Variants in ZBBX observed in about 807,000 individuals in gnomAD.
ZBBX encodes zinc finger B-box domain-containing protein 1.
A neutral mutation model predicts 108.5 loss-of-function variants in ZBBX; 101 were observed. The ratio of observed to expected loss-of-function variants is 0.93; its 90% CI spans 0.79 to 1.10. The LOEUF (loss-of-function observed/expected upper bound fraction) is 1.10. Among genes scored for constraint, ZBBX ranks in the 50% least tolerant of loss-of-function variants. The pLI is 0.00. For synonymous variants in ZBBX, 356 were observed against 323.4 expected (o/e 1.10, Z -1.08); for missense variants, 1,009 against 941.4 (o/e 1.07, Z -0.94).
chr3:167,374,646 T>C (rs1746665738), intron 2 of ZBBX, among the ~76,000 whole-genome samples: 1 of 151,914 alleles, frequency 6.6e-6, no homozygotes, highest in South Asian at 2.1e-4. Context: ...TGGAGAGGAG[T>C]CAAGGCCCAG....
chr3:167,256,941 C>T (rs983051336), intron 20 of ZBBX, among the ~76,000 whole-genome samples: 2 of 152,100 alleles, frequency 1.3e-5, no homozygotes, highest in African/African-American at 4.8e-5. Context: ...CATAAGAATG[C>T]AGATATCTCT....
At chr3:167,364,830 GAA>G (rs1745086132) in intron 6 of ZBBX, among the ~76,000 whole-genome samples, 1 of 151,782 alleles carries the variant, frequency 6.6e-6, no homozygotes, top group Non-Finnish European at 1.5e-5. Flanking sequence ...ACTATCACTT[GAA>G]AATTCAAACA....
intron 20 of ZBBX, among the ~76,000 whole-genome samples, chr3:167,264,364 T>C (rs1167234863): frequency 6.6e-6 from 1 of 152,202 alleles, no homozygotes; most frequent in Non-Finnish European, 1.5e-5. Context: ...TATTTTTTTA[T>C]ATCTTTTGTA....
At chr3:167,279,648 A>G (rs797003691) in intron 20 of ZBBX, among the ~76,000 whole-genome samples, 12 of 152,198 alleles carry the variant, frequency 7.9e-5, no homozygotes, top group Middle Eastern at 3.4e-3. Flanking sequence ...GGAAGAATCA[A>G]TATCATGAAA....
Position 167,359,214 on chromosome 3 carries a change from T to C in ZBBX, c.432+656A>G, listed in dbSNP as rs61288288. On this transcript the variant is annotated intron_variant, in intron 8 of 21. Coordinates refer to ENST00000675490, the MANE Select transcript of ZBBX (RefSeq NM_001199201.2). ...CAAAAGTATATACTATATTATTCCATTTACATAAAGTTCAAGAACAGATAT... is the reference window on the plus strand; with the variant it reads ...CAAAAGTATATACTATATTATTCCACTTACATAAAGTTCAAGAACAGATAT... Among the ~76,000 whole-genome samples the C allele has an allele frequency of 3.1e-3, 468 of 152,208 alleles. 2 individuals are homozygous for C. Among genetic ancestry groups the C allele is most frequent in the Middle Eastern group, 0.01 (3 of 294 alleles).
At chr3:167,180,597 CTG>C in the ZBBX span, among the ~76,000 whole-genome samples, 1 of 152,188 alleles carries the variant, frequency 6.6e-6, no homozygotes, top group Non-Finnish European at 1.5e-5. Context: ...TAACATAACA[CTG>C]TGAAAATTTT....
At chr3:167,396,830 A>T (rs1748248537) in intron 1 of ZBBX, among the ~76,000 whole-genome samples, 1 of 151,914 alleles carries the variant, frequency 6.6e-6, no homozygotes, top group South Asian at 2.1e-4. Flanking sequence ...TTACTTCAGG[A>T]ATATTTTATT....
chr3:167,321,788 A>G (rs1292762480), intron 12 of ZBBX, among the ~76,000 whole-genome samples: 1 of 152,086 alleles, frequency 6.6e-6, no homozygotes, highest in Admixed American at 6.6e-5. Flanking sequence ...TAGTGCTAAT[A>G]TAAAAAACTG....
the ZBBX span, among the ~76,000 whole-genome samples, chr3:167,189,746 C>A: frequency 6.6e-6 from 1 of 152,194 alleles, no homozygotes; most frequent in Non-Finnish European, 1.5e-5. Context: ...ACATCCCACA[C>A]CAGAGTGATA....
chr3:167,340,386 A>G (rs1004777684), intron 9 of ZBBX, among the ~76,000 whole-genome samples: 1 of 152,156 alleles, frequency 6.6e-6, no homozygotes, highest in Admixed American at 6.6e-5. Flanking sequence ...TCCACTTAGT[A>G]AAAATATCTT....
At chr3:167,404,693 T>C (rs1386055021) in intron 1 of ZBBX, among the ~76,000 whole-genome samples, 1 of 152,216 alleles carries the variant, frequency 6.6e-6, no homozygotes, top group Non-Finnish European at 1.5e-5. Flanking sequence ...CCTGGCTTGT[T>C]GGAAAATTGG....
intron 18 of ZBBX, among the ~76,000 whole-genome samples, chr3:167,291,045 T>A (rs891999610): frequency 6.6e-6 from 1 of 151,818 alleles, no homozygotes; most frequent in African/African-American, 2.4e-5. Flanking sequence ...CTCCAAGAAA[T>A]ATGGGACTGT....
the ZBBX span, among the ~76,000 whole-genome samples, chr3:167,183,318 T>C: frequency 1.3e-5 from 2 of 152,218 alleles, no homozygotes; most frequent in Non-Finnish European, 2.9e-5. Context: ...ACCACAGGGA[T>C]TGCTTAAGAG....
chr3:167,285,824 T>C (rs1729593365), intron 19 of ZBBX, among the ~76,000 whole-genome samples: 1 of 152,248 alleles, frequency 6.6e-6, no homozygotes, highest in Admixed American at 6.5e-5. Context: ...ACAGTTCTAC[T>C]AGCCTACTCT....
the ZBBX span, among the ~76,000 whole-genome samples, chr3:167,193,986 G>A: frequency 2.4e-3 from 362 of 152,144 alleles, 2 homozygotes; most frequent in African/African-American, 8.6e-3. Context: ...GTTGGGGGAA[G>A]TTGAAGAGAG....
At chr3:167,250,700 C>G (rs1722435985) in intron 20 of ZBBX, among the ~76,000 whole-genome samples, 1 of 152,024 alleles carries the variant, frequency 6.6e-6, no homozygotes, top group African/African-American at 2.4e-5. Flanking sequence ...AAAGACAGGT[C>G]ACAGTCCATA....
chr3:167,246,636 T>G (rs750449328), intron 20 of ZBBX, among the ~76,000 whole-genome samples: 15 of 152,240 alleles, frequency 9.9e-5, no homozygotes, highest in Non-Finnish European at 1.9e-4. Context: ...CAGATTGAGT[T>G]TGAAACAAAT....
Position 167,250,532 on chromosome 3 carries a change from C to CTT in ZBBX, c.2255-7891_2255-7890dup, listed in dbSNP as rs11438021. 7.4e-4 allele frequency among the ~76,000 whole-genome samples: 107 copies of CTT among 145,512 alleles called. 1 individual carries two copies. Among genetic ancestry groups the CTT allele is most frequent in the African/African-American group, 9.7e-4 (38 of 39,250 alleles). On this transcript the variant is annotated intron_variant, in intron 20 of 21. Coordinates refer to ENST00000675490, the MANE Select transcript of ZBBX (RefSeq NM_001199201.2). ...CCCATGCATACTTAACCTTATAAAA[C>CTT]TTTTTTTTTTTTTTACTCTCAAGCC...
chr3:167,252,687 T>C (rs1207135592), intron 20 of ZBBX, among the ~76,000 whole-genome samples: 1 of 152,070 alleles, frequency 6.6e-6, no homozygotes, highest in East Asian at 1.9e-4. Context: ...GGCTACCAAG[T>C]GTGTGCTTGC....
Sources: allele counts gnomAD v4.1 joint callset (sites outside exome capture counted in the v4.1 genomes callset), GRCh38; gene constraint gnomAD v4.1.1; transcripts MANE v1.5; gene names NCBI Gene and HGNC (gene_info 2026-07-23, HGNC 2026-07-21).